Variants in UNC5C observed in about 807,000 individuals in gnomAD.
The protein encoded by UNC5C is unc-5 netrin receptor C, also known as netrin receptor UNC5C.
Under a neutral mutation model 99.8 loss-of-function variants are expected in UNC5C, and 47 were observed. The ratio of observed to expected loss-of-function variants is 0.47; its 90% CI spans 0.37 to 0.60. UNC5C has a LOEUF of 0.60. Among genes scored for constraint, UNC5C ranks in the 20% least tolerant of loss-of-function variants. The pLI, the probability that UNC5C is intolerant of heterozygous loss-of-function variation, is 0.00. For missense variants in UNC5C, 1,062 were observed against 1,165.9 expected (o/e 0.91, Z 1.30); for synonymous variants, 487 against 452.2 (o/e 1.08, Z -0.98).
rs1380500409 is a variant in UNC5C, at chr4:95,165,263, G to A, written c.*3971C>T. On this transcript the variant is annotated 3_prime_UTR_variant, in exon 16 of 16. Coordinates refer to ENST00000453304, the MANE Select transcript of UNC5C (RefSeq NM_003728.4). ...CCACGACTTTTTTCTCCTGAAAATC[G>A]CTCTACTTTTTGATAGTTGAGAGAC... The A allele has an allele frequency of 5.9e-5, 9 of 152,142 alleles. No homozygotes were observed. Among genetic ancestry groups the A allele is most frequent in the African/African-American group, 2.2e-4 (9 of 41,408 alleles). 9.4% of individuals were successfully genotyped at this position (152,142 alleles called of 1,614,324 possible). A position where few individuals can be genotyped will look rare whatever the true frequency, so the allele number is the denominator to read the frequency against.
chr4:95,180,911 A>G (rs1372036069), intron 14 of UNC5C, among the ~76,000 whole-genome samples: 9 of 152,166 alleles, frequency 5.9e-5, no homozygotes, highest in Non-Finnish European at 1.0e-4. Flanking sequence ...TGGTTTGTCA[A>G]TCATCTTGTA....
intron 1 of UNC5C, among the ~76,000 whole-genome samples, chr4:95,454,158 G>A (rs531942290): frequency 2.0e-5 from 3 of 152,000 alleles, no homozygotes; most frequent in African/African-American, 7.2e-5. Flanking sequence ...TATGTGTTAC[G>A]CGAATTTCAC....
intron 2 of UNC5C, among the ~76,000 whole-genome samples, chr4:95,309,850 A>T (rs1601145): frequency 0.05 from 7,562 of 152,302 alleles, 201 homozygotes; most frequent in African/African-American, 0.062. Context: ...TAATACAGCC[A>T]TATGAAAAAC....
intron 1 of UNC5C, among the ~76,000 whole-genome samples, chr4:95,487,733 C>T (rs1007357715): frequency 3.3e-5 from 5 of 151,662 alleles, no homozygotes; most frequent in Non-Finnish European, 7.4e-5. Flanking sequence ...TAAGAAAATA[C>T]ACGTAAGTTT....
chr4:95,547,539 G>A (rs1723103162), intron 1 of UNC5C, among the ~76,000 whole-genome samples: 1 of 152,192 alleles, frequency 6.6e-6, no homozygotes, highest in Non-Finnish European at 1.5e-5. Flanking sequence ...AGAGTGAAGG[G>A]AGAATCCCTG....
intron 2 of UNC5C, among the ~76,000 whole-genome samples, chr4:95,328,040 C>CTTTTTTTTTTTTTTTTTTTTTTTT (rs34794058): frequency 1.0e-4 from 9 of 87,072 alleles, no homozygotes; most frequent in Admixed American, 1.6e-4. Context: ...CAGGCAACTT[C>CTTTTTTTTTTTTTTTTTTTTTTTT]TTTTTTTTTT....
chr4:95,251,613 CAACA>C (rs1739735263), intron 4 of UNC5C, among the ~76,000 whole-genome samples: 1 of 152,150 alleles, frequency 6.6e-6, no homozygotes, highest in Non-Finnish European at 1.5e-5. Flanking sequence ...TAAAGCAAAA[CAACA>C]AACAACGTTG....
At chr4:95,232,639 T>C (rs1363960418) in intron 7 of UNC5C, among the ~76,000 whole-genome samples, 5 of 152,190 alleles carry the variant, frequency 3.3e-5, no homozygotes, top group Admixed American at 6.5e-5. Context: ...ACCTTGCATT[T>C]GTTTTCTAAC....
intron 7 of UNC5C, among the ~76,000 whole-genome samples, chr4:95,236,992 T>A (rs1013453208): frequency 6.6e-6 from 1 of 152,214 alleles, no homozygotes; most frequent in Admixed American, 6.5e-5. Flanking sequence ...TCAAGTCCCT[T>A]ATGTAAAATG....
intron 1 of UNC5C, among the ~76,000 whole-genome samples, chr4:95,369,861 G>A (rs554323178): frequency 1.3e-5 from 2 of 151,590 alleles, no homozygotes; most frequent in African/African-American, 4.8e-5. Context: ...GAAATGACAA[G>A]TATGGATAAA....
rs540421525 is a variant in UNC5C, at chr4:95,541,198, A to T, written c.124+7536T>A. Among the ~76,000 whole-genome samples, 322 of 152,346 alleles carry T rather than the reference A, an allele frequency of 2.1e-3. 3 individuals carry two copies. Among genetic ancestry groups the T allele is most frequent in the African/African-American group, 7.6e-3 (314 of 41,570 alleles). On this transcript the variant is annotated intron_variant, in intron 1 of 15. Transcript: ENST00000453304. ...CTGAGGTCAACTGTGGTCCAAAAAC[A>T]TTAAATGGAAAATTTCAGAAACAAA... is the stretch of plus-strand genomic sequence containing the variant.
chr4:95,409,033 G>GT (rs1262253710), intron 1 of UNC5C, among the ~76,000 whole-genome samples: 1 of 152,096 alleles, frequency 6.6e-6, no homozygotes, highest in Non-Finnish European at 1.5e-5. Flanking sequence ...TGACAAGTTA[G>GT]TTTTTTTAAA....
intron 3 of UNC5C, among the ~76,000 whole-genome samples, chr4:95,299,067 TCTGATGGGGAAGCCCTAAC>T (rs1741775968): frequency 2.0e-5 from 3 of 152,090 alleles, no homozygotes; most frequent in Admixed American, 1.3e-4. Flanking sequence ...TCCCCCAAAT[TCTGATGGGGAAGCCCTAAC>T]CCTCAGTTCC....
At chr4:95,455,851 A>C (rs1747411294) in intron 1 of UNC5C, among the ~76,000 whole-genome samples, 1 of 152,082 alleles carries the variant, frequency 6.6e-6, no homozygotes, top group African/African-American at 2.4e-5. Flanking sequence ...TACATCCACC[A>C]TGTCCATAGG....
In UNC5C at chr4:95,452,182, G is replaced by A. The variant is rs59820680; in HGVS notation, c.124+96552C>T. ...TATTTTTCCCTAGTGAAAAGTACTC[G>A]TTAACAAGAAATGAATATGGTGTAA... is the stretch of plus-strand genomic sequence containing the variant. On this transcript the variant is annotated intron_variant, in intron 1 of 15. Coordinates refer to ENST00000453304, the MANE Select transcript of UNC5C (RefSeq NM_003728.4). 6.9e-3 allele frequency among the ~76,000 whole-genome samples: 1,056 copies of A among 151,962 alleles called. 10 individuals carry two copies. The highest frequency in any genetic ancestry group is 0.024 in the African/African-American group (1,000 of 41,444).
chr4:95,401,377 C>A (rs1352314568), intron 1 of UNC5C, among the ~76,000 whole-genome samples: 1 of 152,104 alleles, frequency 6.6e-6, no homozygotes, highest in Non-Finnish European at 1.5e-5. Context: ...TGGCTCACTG[C>A]AGCAGCCTTG....
At position 95,165,753 on chromosome 4, in the gene UNC5C, C is replaced by G. The variant is rs900912194; in HGVS notation, c.*3481G>C. 2 of 151,994 alleles carry G rather than the reference C, an allele frequency of 1.3e-5. No individual in the cohort carries two copies. The highest frequency in any genetic ancestry group is 2.4e-5 in the African/African-American group (1 of 41,386). 9.4% of individuals were successfully genotyped at this position (151,994 alleles called of 1,614,324 possible). The stretch of plus-strand genomic sequence containing the variant: ...TCTAAGCAGATACTTCTTACATTTC[C>G]AAAGATAAATATTAAGGAACTAAAA... On this transcript the variant is annotated 3_prime_UTR_variant, in exon 16 of 16. Coordinates refer to ENST00000453304, the MANE Select transcript of UNC5C (RefSeq NM_003728.4).
intron 1 of UNC5C, among the ~76,000 whole-genome samples, chr4:95,350,745 C>T (rs937887889): frequency 3.3e-5 from 5 of 152,086 alleles, no homozygotes; most frequent in Admixed American, 1.3e-4. Context: ...AATGTATTTG[C>T]ATGACACATG....
At chr4:95,410,082 G>A (rs1001619991) in intron 1 of UNC5C, among the ~76,000 whole-genome samples, 1 of 152,162 alleles carries the variant, frequency 6.6e-6, no homozygotes, top group Non-Finnish European at 1.5e-5. Flanking sequence ...ATTTTGGGGT[G>A]TTTAGCATGC....
Sources: allele counts gnomAD v4.1 joint callset (sites outside exome capture counted in the v4.1 genomes callset), GRCh38; gene constraint gnomAD v4.1.1; transcripts MANE v1.5; gene names NCBI Gene and HGNC (gene_info 2026-07-23, HGNC 2026-07-21).